Variants in KLHL29 observed in about 807,000 individuals in gnomAD.
KLHL29 encodes kelch-like protein 29.
KLHL29 carries 21 observed loss-of-function variants against 80.4 expected under a neutral mutation model. The ratio of observed to expected loss-of-function variants is 0.26; its 90% CI spans 0.19 to 0.38. The LOEUF (loss-of-function observed/expected upper bound fraction) is 0.38. Among genes scored for constraint, KLHL29 ranks in the 10% least tolerant of loss-of-function variants. KLHL29 has a pLI of 1.00. For synonymous variants in KLHL29, 511 were observed against 526.8 expected, an observed-to-expected ratio of 0.97 and a Z score of 0.41; for missense variants, 867 against 1,223.9, an observed-to-expected ratio of 0.71 and a Z score of 4.35.
chr2:23,613,831 C>T (rs577107814), intron 3 of KLHL29, among the ~76,000 whole-genome samples: 1 of 143,896 alleles, frequency 6.9e-6, no homozygotes, highest in Non-Finnish European at 1.5e-5. Flanking sequence ...AACAATTGTA[C>T]GCATCCAAGA....
intron 2 of KLHL29, among the ~76,000 whole-genome samples, chr2:23,516,273 G>A (rs1323414591): frequency 6.6e-6 from 1 of 152,154 alleles, no homozygotes; most frequent in Non-Finnish European, 1.5e-5. Flanking sequence ...ACTGGGAAGG[G>A]CTGACCAGGA....
At chr2:23,661,688 C>G (rs1163509262) in intron 5 of KLHL29, among the ~76,000 whole-genome samples, 1 of 152,262 alleles carries the variant, frequency 6.6e-6, no homozygotes, top group African/African-American at 2.4e-5. Flanking sequence ...TGGGAAGAAT[C>G]TCCAAACCCA....
At chr2:23,538,291 A>G (rs781745033) in intron 2 of KLHL29, among the ~76,000 whole-genome samples, 2 of 152,230 alleles carry the variant, frequency 1.3e-5, no homozygotes, top group Non-Finnish European at 2.9e-5. Context: ...CCTAAGGACC[A>G]CACTTTGAGA....
intron 2 of KLHL29, among the ~76,000 whole-genome samples, chr2:23,534,329 C>G (rs1666597591): frequency 6.6e-6 from 1 of 152,126 alleles, no homozygotes; most frequent in African/African-American, 2.4e-5. Flanking sequence ...TTGTGCAACA[C>G]CTAGCCCAAT....
intron 5 of KLHL29, chr2:23,672,466 C>G (rs1292449606): frequency 6.6e-6 from 1 of 152,454 alleles, no homozygotes; most frequent in Non-Finnish European, 1.5e-5. Flanking sequence ...GACATGCCCC[C>G]CTCATATGTG....
chr2:23,553,087 C>A (rs1284534815), intron 2 of KLHL29, among the ~76,000 whole-genome samples: 1 of 152,134 alleles, frequency 6.6e-6, no homozygotes, highest in African/African-American at 2.4e-5. Context: ...TGGGACTTGT[C>A]AAATCCCTGC....
intron 2 of KLHL29, among the ~76,000 whole-genome samples, chr2:23,510,373 C>G (rs531425117): frequency 9.8e-5 from 15 of 152,316 alleles, no homozygotes; most frequent in East Asian, 1.9e-4. Context: ...CCAGGACACC[C>G]TCCCTTAGCT....
Position 23,706,646 on chromosome 2 carries a change from A to G in KLHL29, c.2610A>G (p.Lys870=), listed in dbSNP as rs1672743654. 2.0e-6 allele frequency: 3 copies of G among 1,529,872 alleles called. No homozygotes were observed. Among genetic ancestry groups the G allele is most frequent in the Non-Finnish European group, 1.8e-6 (2 of 1,142,088 alleles). 94.8% of individuals were successfully genotyped at this position (1,529,872 alleles called of 1,614,324 possible). A position where few individuals can be genotyped will look rare whatever the true frequency, so the allele number is the denominator to read the frequency against. Residue 870 remains lysine (K), a synonymous_variant, in exon 14 of 14, where the codon AAA becomes AAG. Coordinates refer to ENST00000486442, the MANE Select transcript of KLHL29 (RefSeq NM_052920.2). ...VFRHGCVVIK[K]YIQSG is the part of the protein sequence containing the mutation. The stretch of plus-strand genomic sequence containing the variant: ...GACACGGCTGCGTCGTGATAAAGAA[A>G]TATATTCAAAGCGGCTGACATCAGC...
chr2:23,525,346 C>A (rs957174055), intron 2 of KLHL29, among the ~76,000 whole-genome samples: 1 of 152,250 alleles, frequency 6.6e-6, no homozygotes, highest in Non-Finnish European at 1.5e-5. Context: ...GAATTTATTT[C>A]TTCTTTTCTT....
intron 1 of KLHL29, among the ~76,000 whole-genome samples, chr2:23,452,320 C>T (rs535968756): frequency 1.2e-4 from 18 of 152,066 alleles, no homozygotes; most frequent in East Asian, 3.9e-4. Flanking sequence ...TCATGCCTTA[C>T]TGTCACAGCC....
At chr2:23,580,567 C>T (rs1192552707) in intron 3 of KLHL29, among the ~76,000 whole-genome samples, 1 of 58,352 alleles carries the variant, frequency 1.7e-5, no homozygotes, top group African/African-American at 4.2e-5. Context: ...CCTAGCTACT[C>T]AGGAGGCTGA....
intron 2 of KLHL29, among the ~76,000 whole-genome samples, chr2:23,523,358 G>T (rs1462497436): frequency 6.6e-6 from 1 of 152,204 alleles, no homozygotes; most frequent in African/African-American, 2.4e-5. Context: ...ACTAAACGGT[G>T]GTTCTTGCCA....
At chr2:23,449,144 G>T (rs550819180) in intron 1 of KLHL29, among the ~76,000 whole-genome samples, 2 of 152,234 alleles carry the variant, frequency 1.3e-5, no homozygotes, top group Non-Finnish European at 1.5e-5. Context: ...GTGAGCTCAT[G>T]CTTGGGGCTG....
intron 1 of KLHL29, among the ~76,000 whole-genome samples, chr2:23,402,280 A>G (rs954588966): frequency 6.6e-6 from 1 of 152,242 alleles, no homozygotes; most frequent in Non-Finnish European, 1.5e-5. Flanking sequence ...CTATTGTCCT[A>G]TGGAAATAAG....
intron 1 of KLHL29, among the ~76,000 whole-genome samples, chr2:23,434,781 A>G (rs1258907560): frequency 6.6e-6 from 1 of 152,138 alleles, no homozygotes; most frequent in East Asian, 1.9e-4. Flanking sequence ...CTGTGCTTAA[A>G]TCCTGGTTCT....
intron 3 of KLHL29, among the ~76,000 whole-genome samples, chr2:23,634,109 G>A (rs1019669689): frequency 2.0e-5 from 3 of 152,162 alleles, no homozygotes; most frequent in African/African-American, 7.2e-5. Context: ...GCAGGACCTT[G>A]CCCAGCACAG....
intron 4 of KLHL29, among the ~76,000 whole-genome samples, chr2:23,640,579 G>A (rs768917942): frequency 4.7e-4 from 72 of 152,150 alleles, no homozygotes; most frequent in Non-Finnish European, 1.0e-3. Flanking sequence ...TCAGGCTTGG[G>A]GACAGTTCCC....
At chr2:23,391,988 G>A (rs372492781) in intron 1 of KLHL29, among the ~76,000 whole-genome samples, 1 of 152,180 alleles carries the variant, frequency 6.6e-6, no homozygotes, top group Non-Finnish European at 1.5e-5. Context: ...TTGAAGTCCC[G>A]TCTCCAGTGC....
chr2:23,541,429 T>G (rs573218871), intron 2 of KLHL29, among the ~76,000 whole-genome samples: 2 of 152,322 alleles, frequency 1.3e-5, no homozygotes, highest in Non-Finnish European at 1.5e-5. Context: ...CAGATCTTCT[T>G]GAGGATTGGT....
Sources: gnomAD v4.1 joint callset for allele counts (sites outside exome capture counted in the v4.1 genomes callset) on GRCh38, gnomAD v4.1.1 for gene constraint, MANE v1.5 for transcripts, NCBI Gene and HGNC (gene_info 2026-07-23, HGNC 2026-07-21) for gene names.